Variants in IL23R observed in about 807,000 individuals in gnomAD.
IL23R encodes the protein interleukin-23 receptor.
Under a neutral mutation model 56.9 loss-of-function variants are expected in IL23R, and 34 were observed. That is an observed-to-expected ratio of 0.60 (90% CI 0.45 to 0.80). IL23R has a LOEUF of 0.80. Ranked by LOEUF, IL23R falls within the 30% of genes least tolerant of loss-of-function variation. The probability of loss-of-function intolerance (pLI) is 0.00; values close to 1 mark genes in which losing one functional copy is unlikely to be tolerated. For missense variants in IL23R, 635 were observed against 730.0 expected, an observed-to-expected ratio of 0.87 and a Z score of 1.50; for synonymous variants, 230 against 249.2, an observed-to-expected ratio of 0.92 and a Z score of 0.73.
intron 4 of IL23R, among the ~76,000 whole-genome samples, chr1:67,192,565 T>G (rs1647831362): frequency 6.6e-6 from 1 of 152,248 alleles, no homozygotes. Context: ...CTGCCATGTT[T>G]CTAACCTGTC....
intron 4 of IL23R, among the ~76,000 whole-genome samples, chr1:67,188,527 T>C (rs1647514250): frequency 6.6e-6 from 1 of 152,160 alleles, no homozygotes; most frequent in Non-Finnish European, 1.5e-5. Context: ...ACAAAGCTTA[T>C]AAAAAAGCAA....
At chr1:67,219,464 G>C in intron 6 of IL23R, 110 bp from the exon 7 acceptor site, 2 of 978,374 alleles carry the variant, frequency 2.0e-6, no homozygotes, top group South Asian at 2.7e-5. Context: ...TGTTTTCCTA[G>C]AGTCTAGAAG....
intron 3 of IL23R, among the ~76,000 whole-genome samples, chr1:67,179,818 G>A (rs9753403): frequency 0.016 from 2,485 of 152,114 alleles, 58 homozygotes; most frequent in African/African-American, 0.056. Flanking sequence ...GGTATGTTGT[G>A]TCTTTGTTCT....
At chr1:67,246,557 A>G (rs2100351969) in intron 9 of IL23R, among the ~76,000 whole-genome samples, 1 of 152,114 alleles carries the variant, frequency 6.6e-6, no homozygotes, top group East Asian at 1.9e-4. Flanking sequence ...TTCTGCCTTC[A>G]TTTTGTTATT....
At chr1:67,206,588 CTT>C (rs1649080655) in intron 5 of IL23R, among the ~76,000 whole-genome samples, 1 of 151,836 alleles carries the variant, frequency 6.6e-6, no homozygotes, top group South Asian at 2.1e-4. Context: ...TTTTTATACT[CTT>C]TTGTTAACAA....
At chr1:67,204,339 G>A (rs1488623739) in intron 5 of IL23R, among the ~76,000 whole-genome samples, 2 of 152,128 alleles carry the variant, frequency 1.3e-5, no homozygotes, top group Non-Finnish European at 2.9e-5. Context: ...TTTTTAAAAT[G>A]TAAGATCTGG....
chr1:67,256,723 G>A (rs1034775240), intron 10 of IL23R, among the ~76,000 whole-genome samples: 2 of 152,134 alleles, frequency 1.3e-5, no homozygotes, highest in Admixed American at 6.5e-5. Context: ...TCAAAGTCAG[G>A]GGGACCCCTG....
chr1:67,181,153 C>G (rs1362458177), intron 3 of IL23R, among the ~76,000 whole-genome samples: 3 of 152,104 alleles, frequency 2.0e-5, no homozygotes, highest in Admixed American at 6.6e-5. Context: ...TTTCCTGAAT[C>G]TGAATGTTGG....
chr1:67,207,797 G>A (rs1156631740), intron 6 of IL23R: 3 of 177,886 alleles, frequency 1.7e-5, no homozygotes, highest in Admixed American at 1.2e-4. Context: ...CAGTAGAGTG[G>A]GGCATTGCTT....
intron 7 of IL23R, among the ~76,000 whole-genome samples, chr1:67,220,392 A>G (rs1650164872): frequency 6.6e-6 from 1 of 151,920 alleles, no homozygotes; most frequent in Admixed American, 6.6e-5. Flanking sequence ...AATAAAAATA[A>G]TAATAATAAA....
chr1:67,163,701 G>A (rs561740209), upstream of IL23R, among the ~76,000 whole-genome samples: 1 of 152,126 alleles, frequency 6.6e-6, no homozygotes, highest in South Asian at 2.1e-4. Context: ...TGCTCCTCTT[G>A]CTCCTGCTCT....
upstream of IL23R, among the ~76,000 whole-genome samples, chr1:67,164,212 T>A (rs982260458): frequency 6.6e-6 from 1 of 152,194 alleles, no homozygotes; most frequent in Non-Finnish European, 1.5e-5. Flanking sequence ...AATCAGCTCT[T>A]GGGCAGAGCA....
At chr1:67,163,716 A>G (rs1448294595), upstream of IL23R, among the ~76,000 whole-genome samples, 1 of 151,968 alleles carries the variant, frequency 6.6e-6, no homozygotes, top group Non-Finnish European at 1.5e-5. Context: ...TGCTCTCTCC[A>G]TGTGATGCAC....
intron 7 of IL23R, among the ~76,000 whole-genome samples, chr1:67,226,118 C>T (rs537788188): frequency 8.5e-5 from 13 of 152,284 alleles, no homozygotes; most frequent in Non-Finnish European, 1.3e-4. Flanking sequence ...TGGACAGGTG[C>T]GCAGGAGCTG....
At chr1:67,168,232 A>G in intron 2 of IL23R, 42 bp downstream of exon 2, 1 of 1,297,474 alleles carries the variant, frequency 7.7e-7, no homozygotes, top group Non-Finnish European at 1.1e-6. Context: ...TCATTCAACA[A>G]ATGGAATATT....
At chr1:67,222,975 G>A (rs954647010) in intron 7 of IL23R, among the ~76,000 whole-genome samples, 1 of 152,014 alleles carries the variant, frequency 6.6e-6, no homozygotes, top group African/African-American at 2.4e-5. Flanking sequence ...AAGTCTTGGC[G>A]AGGTGTGGTG....
downstream of IL23R, among the ~76,000 whole-genome samples, chr1:67,262,404 A>C (rs1397623592): frequency 6.6e-6 from 1 of 152,074 alleles, no homozygotes; most frequent in Non-Finnish European, 1.5e-5. Flanking sequence ...AAAATGGGAT[A>C]ATGTGGTGGA....
chr1:67,197,960 A>G (rs1460347611), intron 4 of IL23R, among the ~76,000 whole-genome samples: 2 of 151,936 alleles, frequency 1.3e-5, no homozygotes, highest in Non-Finnish European at 2.9e-5. Context: ...AAAGAAAAGA[A>G]AAGAAAAGAA....
chr1:67,185,993 A>AAAGT (rs1412332383), intron 4 of IL23R, among the ~76,000 whole-genome samples: 2 of 152,204 alleles, frequency 1.3e-5, no homozygotes, highest in African/African-American at 4.8e-5. Flanking sequence ...TTACCTCTCC[A>AAAGT]AAGTCACTTG....
Sources: allele counts gnomAD v4.1 joint callset (sites outside exome capture counted in the v4.1 genomes callset), GRCh38; gene constraint gnomAD v4.1.1; transcripts MANE v1.5; gene names NCBI Gene and HGNC (gene_info 2026-07-23, HGNC 2026-07-21).